RMDN3: variants seen among roughly 807,000 people sequenced by gnomAD.
RMDN3 encodes regulator of microtubule dynamics 3, also known as regulator of microtubule dynamics protein 3.
RMDN3 carries 41 observed loss-of-function variants against 61.8 expected under a neutral mutation model. The ratio of observed to expected loss-of-function variants is 0.66; its 90% CI spans 0.52 to 0.86. The LOEUF (loss-of-function observed/expected upper bound fraction) is 0.86. Ranked by LOEUF, RMDN3 falls within the 40% of genes least tolerant of loss-of-function variation. The probability of loss-of-function intolerance (pLI) is 0.00; values close to 1 mark genes in which losing one functional copy is unlikely to be tolerated. For missense variants in RMDN3, 557 were observed against 585.3 expected, an observed-to-expected ratio of 0.95 and a Z score of 0.50; for synonymous variants, 247 against 232.0, an observed-to-expected ratio of 1.06 and a Z score of -0.59.
chr15:40,737,792 G>A, intron 9 of RMDN3, 66 bp from the exon 10 acceptor site: 1 of 1,545,796 alleles, frequency 6.5e-7, no homozygotes, highest in Non-Finnish European at 8.9e-7. Flanking sequence ...AAATCTTTGG[G>A]GATATATTGA....
chr15:40,746,735 C>G (rs1043166328), intron 4 of RMDN3, among the ~76,000 whole-genome samples: 7 of 152,150 alleles, frequency 4.6e-5, no homozygotes, highest in African/African-American at 1.4e-4. Context: ...CTGACTGCAT[C>G]CTTACAGAGG....
rs200506810 is a variant in RMDN3, at chr15:40,752,159, G to A, written c.207C>T (p.Val69=). ...CTGAGGCATCTCCAGCCCCACCTGGGACAGCCCGCAGGAGCATCACTGAAG... is the reference window on the plus strand; with the variant it reads ...CTGAGGCATCTCCAGCCCCACCTGGAACAGCCCGCAGGAGCATCACTGAAG... ...PGRHVMLLRA[V]PGGAGDASVL... Residue 69 remains valine, a synonymous_variant, in exon 3 of 13, where the codon GTC becomes GTT. Transcript: ENST00000338376. 6.2e-7 allele frequency: 1 copy of A among 1,613,940 alleles called. No homozygotes were observed. The highest frequency in any genetic ancestry group is 8.5e-7 in the Non-Finnish European group (1 of 1,179,992).
intron 6 of RMDN3, among the ~76,000 whole-genome samples, chr15:40,741,436 G>A (rs557689767): frequency 2.6e-5 from 4 of 151,982 alleles, no homozygotes; most frequent in Non-Finnish European, 5.9e-5. Flanking sequence ...ACTGAGGTCT[G>A]ACCAGAGATG....
chr15:40,751,769 G>A (rs530223259), intron 3 of RMDN3, 200 bp from the exon 4 acceptor site: 1 of 858,054 alleles, frequency 1.2e-6, no homozygotes, highest in Admixed American at 2.3e-5. Flanking sequence ...TAGGCAAACA[G>A]AGCGCTTCAG....
intron 2 of RMDN3, among the ~76,000 whole-genome samples, chr15:40,753,362 A>C (rs974062070): frequency 7.9e-5 from 12 of 152,178 alleles, no homozygotes; most frequent in African/African-American, 2.9e-4. Flanking sequence ...AAATACAAAA[A>C]TTAGCTGGGC....
At chr15:40,738,423 G>A (rs1897150377) in intron 8 of RMDN3, 78 bp downstream of exon 8, 1 of 1,454,374 alleles carries the variant, frequency 6.9e-7, no homozygotes, top group Non-Finnish European at 9.6e-7. Flanking sequence ...CTGTAGAAAA[G>A]TTTTTGGCAG....
In RMDN3 at chr15:40,736,586, A is replaced by T; in HGVS notation, c.1368T>A (p.Ala456=). The T allele has an allele frequency of 1.9e-6, 3 of 1,613,986 alleles. No homozygotes were observed. The highest frequency in any genetic ancestry group is 2.5e-6 in the Non-Finnish European group (3 of 1,179,890). The change falls in exon 13 of 13, where the codon GCT becomes GCA. Residue 456 remains alanine, a synonymous_variant. Transcript: ENST00000338376. ...ELPDVTKEDL[A]IQKDLEELEV... ...CCAGTTCTTCCAGGTCCTTCTGGAT[A>T]GCCAAATCCTAGGGAGACAAAGAAC...
At position 40,745,418 on chromosome 15, in the gene RMDN3, T is replaced by C. The variant is rs557266344; in HGVS notation, c.525-159A>G. On this transcript the variant is annotated intron_variant, in intron 4 of 12. Transcript: ENST00000338376. ...TTAAGGGCAGACTTTTTTTCTTTTTTTTTTTTTTTTTTGAGACAGGGTCCC... is the reference window on the plus strand; with the variant it reads ...TTAAGGGCAGACTTTTTTTCTTTTTCTTTTTTTTTTTTGAGACAGGGTCCC... 1.2e-4 allele frequency among the ~76,000 whole-genome samples: 18 copies of C among 150,228 alleles called. No homozygotes were observed. In the East Asian group the frequency reaches 2.1e-3, roughly 18 times the overall value.
rs1897153944 is a variant in RMDN3 at position 40,738,489 on chromosome 15, G to GC, written c.1047+11dup. 1 of 1,613,664 alleles carries GC rather than the reference G, an allele frequency of 6.2e-7. No homozygotes were observed. Among genetic ancestry groups the GC allele is most frequent in the Non-Finnish European group, 8.5e-7 (1 of 1,179,738 alleles). On this transcript the variant is annotated intron_variant, in intron 8 of 12. Coordinates refer to ENST00000338376, the MANE Select transcript of RMDN3 (RefSeq NM_018145.3). ...AGGCCAGCACAAGGAAGGAGGAAAA[G>GC]CCTGTCCTCACCTTGAAGCTAAAGC...
chr15:40,738,169 C>G lies in RMDN3; in HGVS notation c.1048-127G>C. The G allele has an allele frequency of 4.2e-6, 4 of 963,624 alleles. No individual in the cohort carries two copies. In the South Asian group the frequency reaches 5.5e-5, roughly 13 times the overall value. 59.7% of individuals were successfully genotyped at this position (963,624 alleles called of 1,614,324 possible). The stretch of plus-strand genomic sequence containing the variant: ...TGGGAAGCTGAGGCAGGTGGATCAC[C>G]TGAGGTCAGGAGTTCGAAACCAGTC... On this transcript the variant is annotated intron_variant, in intron 8 of 12. Transcript: ENST00000338376.
chr15:40,751,653 C>T, intron 3 of RMDN3, 84 bp from the exon 4 acceptor site: 2 of 1,571,916 alleles, frequency 1.3e-6, no homozygotes, highest in East Asian at 2.2e-5. Flanking sequence ...CCTCTTACTA[C>T]TGCTCCTCAT....
chr15:40,752,283 C>A, intron 2 of RMDN3, 105 bp from the exon 3 acceptor site: 1 of 1,158,628 alleles, frequency 8.6e-7, no homozygotes, highest in Non-Finnish European at 1.2e-6. Context: ...GAAGAGAAGG[C>A]CCAGTGACGC....
At chr15:40,737,920 G>C (rs1278079176) in intron 9 of RMDN3, 45 bp downstream of exon 9, 2 of 1,598,040 alleles carry the variant, frequency 1.3e-6, no homozygotes, top group Non-Finnish European at 1.7e-6. Flanking sequence ...ATCGGTGTCA[G>C]AAGGCATTTA....
At chr15:40,743,567 G>A (rs1013263065) in intron 6 of RMDN3, among the ~76,000 whole-genome samples, 3 of 152,132 alleles carry the variant, frequency 2.0e-5, no homozygotes, top group Non-Finnish European at 2.9e-5. Context: ...ATAAGGCCAA[G>A]CCCTGAGCCT....
At chr15:40,744,911 G>A in intron 5 of RMDN3, 66 bp downstream of exon 5, 2 of 1,480,342 alleles carry the variant, frequency 1.4e-6, no homozygotes, top group South Asian at 1.4e-5. Context: ...TCATTCCCCA[G>A]GGGTCAGGAA....
rs983485199 is a variant in RMDN3, at chr15:40,743,796, T to C, written c.910+251A>G. Among the ~76,000 whole-genome samples the C allele has an allele frequency of 3.7e-4, 56 of 152,238 alleles. 1 individual carries two copies. Among genetic ancestry groups the C allele is most frequent in the African/African-American group, 1.3e-3 (53 of 41,468 alleles). ...GAGTGAGAAAAACGAATAACATTGA[T>C]AGGATACAACTACTCCTAGAAACAC... is the stretch of plus-strand genomic sequence containing the variant. On this transcript the variant is annotated intron_variant, in intron 6 of 12. Transcript: ENST00000338376.
intron 4 of RMDN3, among the ~76,000 whole-genome samples, chr15:40,745,752 G>A (rs1246516852): frequency 6.6e-6 from 1 of 152,104 alleles, no homozygotes; most frequent in Non-Finnish European, 1.5e-5. Flanking sequence ...ACCAGCTGAG[G>A]CCCTGTGACA....
Position 40,737,561 on chromosome 15 carries a change from C to A in RMDN3, c.1224+67G>T, listed in dbSNP as rs1596037878. On this transcript the variant is annotated intron_variant, in intron 10 of 12. Coordinates refer to ENST00000338376, the MANE Select transcript of RMDN3 (RefSeq NM_018145.3). ...GGAAAACCCCTCCCATTAAGGGTCT[C>A]AATAATGTCCTTAGGAAAAAACAAG... 3.1e-5 allele frequency: 45 copies of A among 1,434,026 alleles called. No individual in the cohort carries two copies. The East Asian group carries it at 1.0e-3, about 33-fold the overall frequency. The allele number at this position is 1,434,026 out of a possible 1,614,324, so 88.8% of individuals were successfully genotyped here.
Position 40,736,290 on chromosome 15 carries a change from G to T in RMDN3, c.*251C>A, listed in dbSNP as rs1392622179. The stretch of plus-strand genomic sequence containing the variant: ...CCATGTGTAATCCTGGGGCAGGTGT[G>T]AATCTTGATTTTTTTAAGAGATTAC... On this transcript the variant is annotated 3_prime_UTR_variant, in exon 13 of 13. Transcript: ENST00000338376. 4.3e-6 allele frequency: 2 copies of T among 467,318 alleles called. No homozygotes were observed. The highest frequency in any genetic ancestry group is 3.8e-6 in the Non-Finnish European group (1 of 266,064). The allele number at this position is 467,318 out of a possible 1,614,324, so 28.9% of individuals were successfully genotyped here.
Sources: allele counts gnomAD v4.1 joint callset (sites outside exome capture counted in the v4.1 genomes callset), GRCh38; gene constraint gnomAD v4.1.1; transcripts MANE v1.5; gene names NCBI Gene and HGNC (gene_info 2026-07-23, HGNC 2026-07-21).